Variants in DGKH observed in about 807,000 individuals in gnomAD.
DGKH encodes DAG kinase eta.
Under a neutral mutation model 159.3 loss-of-function variants are expected in DGKH, and 90 were observed. That is an observed-to-expected ratio of 0.57 (90% CI 0.48 to 0.67). The LOEUF is 0.67. Among genes scored for constraint, DGKH ranks in the 30% least tolerant of loss-of-function variants. DGKH has a pLI of 0.00. For synonymous variants in DGKH, 536 were observed against 553.8 expected, an observed-to-expected ratio of 0.97 and a Z score of 0.45; for missense variants, 1,181 against 1,506.1, an observed-to-expected ratio of 0.78 and a Z score of 3.57.
intron 16 of DGKH, among the ~76,000 whole-genome samples, chr13:42,190,859 T>G (rs953864726): frequency 6.6e-6 from 1 of 152,184 alleles, no homozygotes; most frequent in Non-Finnish European, 1.5e-5. Context: ...CTATTATAGC[T>G]CACAGATTTC....
At chr13:42,198,981 C>T (rs945922946) in intron 18 of DGKH, among the ~76,000 whole-genome samples, 2 of 152,170 alleles carry the variant, frequency 1.3e-5, no homozygotes, top group Admixed American at 1.3e-4. Context: ...GATCTCTTCC[C>T]TTCTTAAGAC....
At chr13:42,144,541 G>A (rs559153010) in intron 3 of DGKH, among the ~76,000 whole-genome samples, 1 of 152,208 alleles carries the variant, frequency 6.6e-6, no homozygotes, top group Admixed American at 6.5e-5. Context: ...ACAAAAATGG[G>A]CAGGGCATGG....
intron 1 of DGKH, among the ~76,000 whole-genome samples, chr13:42,093,951 T>C (rs1295604818): frequency 2.0e-5 from 3 of 152,096 alleles, no homozygotes; most frequent in African/African-American, 4.8e-5. Flanking sequence ...TGAATGTACT[T>C]AACAGCACTG....
At chr13:42,211,138 A>G (rs1047931575) in intron 24 of DGKH, among the ~76,000 whole-genome samples, 7 of 152,192 alleles carry the variant, frequency 4.6e-5, no homozygotes, top group Non-Finnish European at 1.0e-4. Flanking sequence ...AGACAAAAAG[A>G]AAAGAGATAA....
chr13:42,248,826 A>G (rs1179031356), intron 29 of DGKH, among the ~76,000 whole-genome samples: 4 of 152,020 alleles, frequency 2.6e-5, no homozygotes, highest in Non-Finnish European at 5.9e-5. Flanking sequence ...AGGCTATATC[A>G]TATAGCTTAG....
chr13:42,102,124 C>T (rs1015205815), intron 1 of DGKH, among the ~76,000 whole-genome samples: 6 of 152,196 alleles, frequency 3.9e-5, no homozygotes, highest in African/African-American at 1.2e-4. Context: ...GGGATGATTC[C>T]GTCTCACCTC....
At chr13:42,168,384 T>C (rs1330734379) in intron 9 of DGKH, 56 bp from the exon 10 acceptor site, 2 of 1,439,582 alleles carry the variant, frequency 1.4e-6, no homozygotes, top group Non-Finnish European at 1.9e-6. Context: ...TAACAAAGAA[T>C]TGAGGAAAGT....
intron 20 of DGKH, among the ~76,000 whole-genome samples, chr13:42,204,693 G>C (rs1566189041): frequency 6.6e-6 from 1 of 152,186 alleles, no homozygotes; most frequent in Non-Finnish European, 1.5e-5. Flanking sequence ...TTACGGGTTG[G>C]TCTTGGACCA....
intron 1 of DGKH, among the ~76,000 whole-genome samples, chr13:42,103,562 G>A (rs1316588071): frequency 1.3e-5 from 2 of 152,170 alleles, no homozygotes; most frequent in East Asian, 3.8e-4. Flanking sequence ...AATTCCAGGT[G>A]TCACATCCAG....
At chr13:42,165,657 A>G (rs1010836771) in intron 8 of DGKH, among the ~76,000 whole-genome samples, 1 of 152,128 alleles carries the variant, frequency 6.6e-6, no homozygotes, top group Non-Finnish European at 1.5e-5. Context: ...TGTATATAAG[A>G]CTTCTAGATT....
At chr13:42,105,534 A>G (rs1387913780) in intron 1 of DGKH, among the ~76,000 whole-genome samples, 9 of 152,176 alleles carry the variant, frequency 5.9e-5, no homozygotes. Flanking sequence ...GTAGTGAATT[A>G]TCTTCTCAAA....
chr13:42,166,760 A>G (rs1271197027), intron 9 of DGKH, 86 bp downstream of exon 9: 3 of 1,169,434 alleles, frequency 2.6e-6, no homozygotes, highest in South Asian at 4.9e-5. Context: ...TGAAAATTAC[A>G]GATTCCTCTA....
At chr13:42,090,251 T>TA (rs1231868419) in intron 1 of DGKH, among the ~76,000 whole-genome samples, 1 of 152,186 alleles carries the variant, frequency 6.6e-6, no homozygotes. Flanking sequence ...AACTAAATAT[T>TA]ATAAAACATG....
intron 1 of DGKH, among the ~76,000 whole-genome samples, chr13:42,049,975 G>A (rs908406090): frequency 6.6e-5 from 10 of 152,286 alleles, no homozygotes; most frequent in Admixed American, 2.0e-4. Flanking sequence ...TTGGGGTACC[G>A]TTTTTAAAAA....
chr13:42,211,417 G>T (rs1002251844), intron 24 of DGKH, among the ~76,000 whole-genome samples: 1 of 152,186 alleles, frequency 6.6e-6, no homozygotes, highest in African/African-American at 2.4e-5. Context: ...CAGGTTTCAG[G>T]CCAGGCACAG....
Position 42,187,136 on chromosome 13 carries a change from C to T in DGKH, c.1626C>T (p.Ala542=), listed in dbSNP as rs141644135. ...TGGAAAATGCCGTTGTAGCTGATGC[C>T]GTGGCCAGTAAAGTAAGAGGGGACT... ...KTLENAVVAD[A]VASKCSVLNE... The change falls in exon 14 of 30, where the codon GCC becomes GCT. Residue 542 remains alanine (A), a synonymous_variant. Coordinates refer to ENST00000337343, the MANE Select transcript of DGKH (RefSeq NM_178009.5). The T allele has an allele frequency of 1.3e-4, 212 of 1,613,860 alleles. No individual in the cohort carries two copies. In the African/African-American group the frequency reaches 2.6e-3, roughly 20 times the overall value.
chr13:42,181,734 G>T, intron 13 of DGKH: 2 of 773,902 alleles, frequency 2.6e-6, no homozygotes, highest in Non-Finnish European at 3.8e-6. Context: ...AGCCACGCCA[G>T]CTGCAGTGGT....
At chr13:42,089,269 T>C (rs1248785486) in intron 1 of DGKH, among the ~76,000 whole-genome samples, 1 of 152,214 alleles carries the variant, frequency 6.6e-6, no homozygotes, top group Non-Finnish European at 1.5e-5. Context: ...CTAATTAATA[T>C]TTGCAGAGCA....
rs114500821 is a variant in DGKH, at chr13:42,112,082, A to T, written c.193-15381A>T. On this transcript the variant is annotated intron_variant, in intron 1 of 29. Transcript: ENST00000337343. Reference sequence around the variant, plus strand: ...GCTTTCTGTCACATGGATGTCTCAGACAACCAGAATCAGAACATGTGTGTG... The same window carrying T: ...GCTTTCTGTCACATGGATGTCTCAGTCAACCAGAATCAGAACATGTGTGTG... Among the ~76,000 whole-genome samples, 208 of 152,368 alleles carry T rather than the reference A, an allele frequency of 1.4e-3. 1 individual carries two copies. Among genetic ancestry groups the T allele is most frequent in the African/African-American group, 4.8e-3 (199 of 41,580 alleles).
Sources: allele counts gnomAD v4.1 joint callset (sites outside exome capture counted in the v4.1 genomes callset), GRCh38; gene constraint gnomAD v4.1.1; transcripts MANE v1.5; gene names NCBI Gene and HGNC (gene_info 2026-07-23, HGNC 2026-07-21).